A2ML1: variants seen among roughly 807,000 people sequenced by gnomAD.
The protein encoded by A2ML1 is alpha-2-macroglobulin like 1.
In A2ML1, 161 loss-of-function variants were observed where a neutral mutation model predicts 181.9. The ratio of observed to expected loss-of-function variants is 0.89; its 90% CI spans 0.78 to 1.01. A2ML1 has a LOEUF of 1.01. A2ML1 is among the 50% of genes least tolerant of loss of function. A2ML1 has a pLI of 0.00. For missense variants in A2ML1, 1,670 were observed against 1,768.1 expected, an observed-to-expected ratio of 0.94 and a Z score of 1.00; for synonymous variants, 663 against 666.8, an observed-to-expected ratio of 0.99 and a Z score of 0.09.
At position 8,858,007 on chromosome 12, in the gene A2ML1, A is replaced by T; in HGVS notation, c.3169A>T (p.Lys1057Ter). 1 of 1,614,178 alleles carries T rather than the reference A, an allele frequency of 6.2e-7. No homozygotes were observed. Among genetic ancestry groups the T allele is most frequent in the East Asian group, 2.2e-5 (1 of 44,882 alleles). The change falls in exon 26 of 36, where the codon AAG (lysine) becomes TAG (stop). Residue 1057 changes from lysine to a stop codon, truncating the protein, a stop_gained. Transcript: ENST00000299698. LOFTEE classifies it high-confidence loss of function. ...TCAGAAATTCATCTTCATTGATCCCAAGAACATCCAGGATGCTCTCAAGTG... is the reference window on the plus strand; with the variant it reads ...TCAGAAATTCATCTTCATTGATCCCTAGAACATCCAGGATGCTCTCAAGTG... ...QAQKFIFIDPKNIQDALKWMA... is the reference protein window; with the variant it reads ...QAQKFIFIDP
At position 8,863,925 on chromosome 12, in the gene A2ML1, C is replaced by A; in HGVS notation, c.3634C>A (p.Gln1212Lys). The stretch of plus-strand genomic sequence containing the variant: ...CCAGCTTACCAAGCCCAGCCTGACT[C>A]AAAAGGAGATAGCGAAGGCCACTAG... ...LAQLTKPSLT[Q>K]KEIAKATSIV... The change falls in exon 29 of 36, where the codon CAA (glutamine) becomes AAA (lysine). Residue 1212 changes from glutamine (Q) to lysine (K), a missense_variant. By Grantham distance (53) the Gln-to-Lys change is moderately conservative. Coordinates refer to ENST00000299698, the MANE Select transcript of A2ML1 (RefSeq NM_144670.6). 6.2e-7 allele frequency: 1 copy of A among 1,614,040 alleles called. No individual in the cohort carries two copies. Among genetic ancestry groups the A allele is most frequent in the South Asian group, 1.1e-5 (1 of 91,060 alleles).
At chr12:8,881,358 T>G (rs1565500492), downstream of A2ML1, among the ~76,000 whole-genome samples, 1 of 152,160 alleles carries the variant, frequency 6.6e-6, no homozygotes, top group Non-Finnish European at 1.5e-5. Context: ...GATCTGGGCA[T>G]TTGGGGCAGT....
chr12:8,865,602 C>G (rs915704492), intron 29 of A2ML1, among the ~76,000 whole-genome samples: 4 of 152,120 alleles, frequency 2.6e-5, no homozygotes, highest in Admixed American at 2.6e-4. Context: ...GATTAATCAG[C>G]CACTTGGTGT....
intron 1 of A2ML1, 73 bp from the exon 2 acceptor site, chr12:8,823,109 C>G: frequency 6.9e-7 from 1 of 1,439,296 alleles, no homozygotes; most frequent in East Asian, 2.3e-5. Context: ...ACTTGCTGAG[C>G]GCTTAGGAGA....
chr12:8,842,287 G>T (rs958940710), intron 11 of A2ML1, among the ~76,000 whole-genome samples: 1 of 150,592 alleles, frequency 6.6e-6, no homozygotes, highest in Non-Finnish European at 1.5e-5. Flanking sequence ...GCGTGATCTC[G>T]GCTCACTGCA....
rs545810672 is a variant in A2ML1 at position 8,881,903 on chromosome 12, C to T, written c.*94+1287C>T. ...GTGGGTGCCTGTAGTCCCAGCTACTCGGGAGGCTGAGGCAGGAGAATGGCG... is the reference window on the plus strand; with the variant it reads ...GTGGGTGCCTGTAGTCCCAGCTACTTGGGAGGCTGAGGCAGGAGAATGGCG... On this transcript the variant is annotated intron_variant and NMD_transcript_variant, in intron 7 of 7. Coordinates refer to the A2ML1 transcript ENST00000537475. 5.2e-3 allele frequency among the ~76,000 whole-genome samples: 790 copies of T among 151,616 alleles called. 4 individuals are homozygous for T. Among genetic ancestry groups the T allele is most frequent in the Middle Eastern group, 0.014 (4 of 292 alleles).
At chr12:8,860,783 A>G (rs1944228858) in intron 26 of A2ML1, 98 bp from the exon 27 acceptor site, 3 of 972,006 alleles carry the variant, frequency 3.1e-6, no homozygotes, top group Non-Finnish European at 3.2e-6. Context: ...TTTAAAAATT[A>G]TTCATCTATT....
In A2ML1 at chr12:8,857,318, G is replaced by A. The variant is rs200269317; in HGVS notation, c.3003G>A (p.Arg1001=). The A allele has an allele frequency of 6.5e-5, 105 of 1,613,986 alleles. No homozygotes were observed. The African/African-American group carries it at 1.4e-3, about 21-fold the overall frequency. ...TGCTGACGGAGGAGATCAGGTCTCG[G>A]GCAGTGGGTTTCCTGGAAATAGGTA... ...AGLLTEEIRS[R]AVGFLEIGYQ... The change falls in exon 24 of 36, where the codon CGG becomes CGA. Residue 1001 remains arginine, a synonymous_variant. Coordinates refer to ENST00000299698, the MANE Select transcript of A2ML1 (RefSeq NM_144670.6).
intron 12 of A2ML1, chr12:8,844,947 A>C (rs1240598013): frequency 1.5e-6 from 2 of 1,302,332 alleles, no homozygotes; most frequent in South Asian, 2.2e-5. Context: ...TTCTGTTTCA[A>C]GTGAGAGTGG....
chr12:8,864,096 C>A, intron 29 of A2ML1, 88 bp downstream of exon 29: 1 of 1,245,922 alleles, frequency 8.0e-7, no homozygotes, highest in Non-Finnish European at 1.1e-6. Context: ...CTTGCCTTCT[C>A]GGTCCAGGGG....
chr12:8,880,992 T>C (rs1944865380), downstream of A2ML1, among the ~76,000 whole-genome samples: 1 of 152,082 alleles, frequency 6.6e-6, no homozygotes, highest in African/African-American at 2.4e-5. Flanking sequence ...ACACGATGGG[T>C]AAATTTCTTA....
intron 3 of A2ML1, among the ~76,000 whole-genome samples, chr12:8,824,276 G>A (rs941583071): frequency 1.6e-4 from 22 of 139,818 alleles, no homozygotes; most frequent in African/African-American, 5.6e-4. Context: ...CCTTACAGGG[G>A]CACTTCATTC....
chr12:8,874,393 C>G, intron 33 of A2ML1, 32 bp from the exon 34 acceptor site: 1 of 1,509,542 alleles, frequency 6.6e-7, no homozygotes, highest in South Asian at 1.1e-5. Context: ...CATTTTACTT[C>G]TAAGGTACTG....
At chr12:8,881,807 C>T (rs1176887276) in intron 7 of A2ML1, among the ~76,000 whole-genome samples, 2 of 151,856 alleles carry the variant, frequency 1.3e-5, no homozygotes, top group African/African-American at 4.8e-5. Flanking sequence ...GTCAGGAGAT[C>T]GAGACCATCC....
At position 8,847,549 on chromosome 12, in the gene A2ML1, G is replaced by C. The variant is rs750546906; in HGVS notation, c.1684G>C (p.Val562Leu). Residue 562 changes from valine (V) to leucine (L), a missense_variant and splice_region_variant, in exon 15 of 36, where the codon GTT becomes CTT. By Grantham distance (32) the Val-to-Leu change is conservative. Transcript: ENST00000299698. ...CAAGTTATACCTTTCCCTTCCCCAG[G>C]TTTCCCTTGGCTTCTCCCCCTCCCA... ...FSVEMCFDNQ[V>L]SLGFSPSQQL... is the part of the protein sequence containing the mutation. The C allele has an allele frequency of 4.4e-6, 7 of 1,606,654 alleles. No individual in the cohort carries two copies. The Admixed American group carries it at 1.2e-4, about 28-fold the overall frequency.
intron 27 of A2ML1, 54 bp from the exon 28 acceptor site, chr12:8,861,081 T>G: frequency 6.2e-7 from 1 of 1,608,568 alleles, no homozygotes; most frequent in Non-Finnish European, 8.5e-7. Context: ...CCTGATTACT[T>G]GCCATTTTTA....
Position 8,837,410 on chromosome 12 carries a change from A to G in A2ML1, c.729-30A>G, listed in dbSNP as rs777454510. On this transcript the variant is annotated intron_variant, in intron 7 of 35. Transcript: ENST00000299698. Reference sequence around the variant, plus strand: ...GTTGGATCTCAAGTGGAATTTCCCAACTCTGACTCCTTATGCTTTTCTTGG... The same window carrying G: ...GTTGGATCTCAAGTGGAATTTCCCAGCTCTGACTCCTTATGCTTTTCTTGG... 5.0e-6 allele frequency: 8 copies of G among 1,611,512 alleles called. No homozygotes were observed. In the East Asian group the frequency reaches 1.1e-4, roughly 23 times the overall value.
intron 21 of A2ML1, 79 bp from the exon 22 acceptor site, chr12:8,854,701 C>A (rs1004110059): frequency 5.3e-6 from 8 of 1,503,968 alleles, no homozygotes; most frequent in Admixed American, 3.4e-5. Context: ...CAGCGAGGGG[C>A]CTCCCTTCCC....
At chr12:8,866,028 C>G (rs1047382648) in intron 29 of A2ML1, among the ~76,000 whole-genome samples, 1 of 151,892 alleles carries the variant, frequency 6.6e-6, no homozygotes, top group African/African-American at 2.4e-5. Context: ...TTAAAAGCAC[C>G]AAGTTTAGGC....
Sources: gnomAD v4.1 joint callset for allele counts (sites outside exome capture counted in the v4.1 genomes callset) on GRCh38, gnomAD v4.1.1 for gene constraint, MANE v1.5 for transcripts, NCBI Gene and HGNC (gene_info 2026-07-23, HGNC 2026-07-21) for gene names.